Variants in RPF2 observed in about 807,000 individuals in gnomAD.
RPF2 encodes ribosome production factor 2 homolog.
A neutral mutation model predicts 38.9 loss-of-function variants in RPF2; 21 were observed. The observed-to-expected ratio is 0.54, with a 90% CI of 0.38 to 0.78. The LOEUF (loss-of-function observed/expected upper bound fraction) is 0.78, where lower values mean the gene tolerates loss of function less well. Among genes scored for constraint, RPF2 ranks in the 30% least tolerant of loss-of-function variants. The probability of loss-of-function intolerance (pLI) is 0.00; values close to 1 mark genes in which losing one functional copy is unlikely to be tolerated. For missense variants in RPF2, 314 were observed against 358.1 expected (o/e 0.88, Z 0.99); for synonymous variants, 121 against 126.2 (o/e 0.96, Z 0.28).
Position 111,025,677 on chromosome 6 carries a change from A to G in RPF2, c.*95A>G. On this transcript the variant is annotated 3_prime_UTR_variant, in exon 10 of 10. Transcript: ENST00000441448. ...AGAGTTTCTTATAAGATCTTATTAT[A>G]TATTTTTATAACATGATAATTTTAC... The G allele has an allele frequency of 1.2e-6, 1 of 847,350 alleles. No individual in the cohort carries two copies. The highest frequency in any genetic ancestry group is 1.8e-6 in the Non-Finnish European group (1 of 563,116). 52.5% of individuals were successfully genotyped at this position (847,350 alleles called of 1,614,324 possible).
rs1362946036 is a variant in RPF2, at chr6:110,986,559, A to G, written c.156+1421A>G. ...TCGGTTTGGGACATGTAATTTAAGTAATGAAAATAAAAGCTTTGTTTTTTC... is the reference window on the plus strand; with the variant it reads ...TCGGTTTGGGACATGTAATTTAAGTGATGAAAATAAAAGCTTTGTTTTTTC... On this transcript the variant is annotated intron_variant, in intron 2 of 9. Coordinates refer to ENST00000441448, the MANE Select transcript of RPF2 (RefSeq NM_032194.3). 3.3e-5 allele frequency among the ~76,000 whole-genome samples: 5 copies of G among 152,214 alleles called. 1 individual carries two copies. Among genetic ancestry groups the G allele is most frequent in the African/African-American group, 1.2e-4 (5 of 41,448 alleles).
At position 111,024,451 on chromosome 6, in the gene RPF2, C is replaced by T. The variant is rs542775600; in HGVS notation, c.741+124C>T. On this transcript the variant is annotated intron_variant, in intron 9 of 9. Transcript: ENST00000441448. Reference sequence around the variant, plus strand: ...AGGACAGGCCAGGCGCGGTGGCTCACGCCTGTAATCCCAGCACTTTGGGAG... The same window carrying T: ...AGGACAGGCCAGGCGCGGTGGCTCATGCCTGTAATCCCAGCACTTTGGGAG... 2.0e-3 allele frequency: 1,616 copies of T among 817,482 alleles called. 4 individuals carry two copies. The highest frequency in any genetic ancestry group is 4.5e-3 in the South Asian group (206 of 45,316). 50.6% of individuals were successfully genotyped at this position (817,482 alleles called of 1,614,324 possible).
intron 3 of RPF2, among the ~76,000 whole-genome samples, chr6:110,990,887 G>C (rs112110078): frequency 6.6e-6 from 1 of 152,046 alleles, no homozygotes. Flanking sequence ...ACTCTTTTAC[G>C]TTGGTTCCTA....
intron 7 of RPF2, among the ~76,000 whole-genome samples, chr6:111,014,325 G>A (rs539158440): frequency 1.3e-5 from 2 of 152,042 alleles, no homozygotes; most frequent in South Asian, 4.2e-4. Flanking sequence ...GTAGAGATAG[G>A]GTTTCACTGT....
intron 3 of RPF2, among the ~76,000 whole-genome samples, chr6:110,990,044 TTC>T (rs763848061): frequency 2.6e-5 from 4 of 152,088 alleles, no homozygotes; most frequent in Non-Finnish European, 4.4e-5. Context: ...GTTCAAGCAA[TTC>T]TCTTGCCTCA....
chr6:111,015,298 A>G (rs569087840), intron 7 of RPF2, among the ~76,000 whole-genome samples: 5 of 152,132 alleles, frequency 3.3e-5, no homozygotes, highest in Non-Finnish European at 7.4e-5. Context: ...TCCTTTGTTC[A>G]TATAATCAAG....
At chr6:110,985,221 A>T in intron 2 of RPF2, 83 bp downstream of exon 2, 1 of 1,208,516 alleles carries the variant, frequency 8.3e-7, no homozygotes, top group Non-Finnish European at 1.2e-6. Flanking sequence ...TCGGAGAAAT[A>T]CGTAGATAAG....
intron 5 of RPF2, among the ~76,000 whole-genome samples, chr6:110,998,978 CA>C (rs1771767261): frequency 6.6e-6 from 1 of 151,096 alleles, no homozygotes; most frequent in African/African-American, 2.4e-5. Flanking sequence ...TGTCGGTCAG[CA>C]AGTAAAGAAT....
chr6:111,023,020 T>G (rs1424652556), intron 8 of RPF2, among the ~76,000 whole-genome samples: 1 of 152,234 alleles, frequency 6.6e-6, no homozygotes, highest in Non-Finnish European at 1.5e-5. Context: ...TGCCTCAGCC[T>G]CCCGAGTAGC....
chr6:111,014,645 A>G (rs1254129003), intron 7 of RPF2, among the ~76,000 whole-genome samples: 1 of 152,202 alleles, frequency 6.6e-6, no homozygotes, highest in Non-Finnish European at 1.5e-5. Flanking sequence ...ATAAACTTTT[A>G]TATAGACCTT....
chr6:111,022,600 A>C (rs1011341945), intron 8 of RPF2, among the ~76,000 whole-genome samples: 1 of 147,276 alleles, frequency 6.8e-6, no homozygotes, highest in African/African-American at 2.6e-5. Context: ...ACCACTCAAA[A>C]AATTCATTAG....
At chr6:111,001,236 G>A (rs1389124511) in intron 6 of RPF2, among the ~76,000 whole-genome samples, 3 of 152,158 alleles carry the variant, frequency 2.0e-5, no homozygotes, top group Non-Finnish European at 4.4e-5. Flanking sequence ...GCAATCACAT[G>A]TAAAATAAGT....
chr6:111,004,758 A>G (rs528455618), intron 6 of RPF2, among the ~76,000 whole-genome samples: 11 of 151,796 alleles, frequency 7.2e-5, no homozygotes, highest in African/African-American at 2.4e-4. Context: ...TAGTAGAGAC[A>G]GGGTTTCACC....
chr6:111,025,341 A>G, intron 9 of RPF2, 62 bp from the exon 10 acceptor site: 1 of 1,165,526 alleles, frequency 8.6e-7, no homozygotes, highest in Non-Finnish European at 1.2e-6. Flanking sequence ...GTTACAGACT[A>G]GATTTTTACT....
intron 8 of RPF2, among the ~76,000 whole-genome samples, chr6:111,021,269 G>A (rs1054434955): frequency 5.3e-5 from 8 of 152,106 alleles, no homozygotes; most frequent in South Asian, 2.1e-4. Flanking sequence ...ACACTAGCAC[G>A]ACATCTTTCA....
intron 6 of RPF2, among the ~76,000 whole-genome samples, 157 bp from the exon 7 acceptor site, chr6:111,007,881 A>G (rs571095925): frequency 1.2e-3 from 186 of 152,300 alleles, no homozygotes; most frequent in African/African-American, 4.3e-3. Flanking sequence ...CGGGAGGTGG[A>G]GGTTGCAGTG....
chr6:110,984,154 G>T (rs1371710209), intron 1 of RPF2, among the ~76,000 whole-genome samples: 1 of 152,134 alleles, frequency 6.6e-6, no homozygotes, highest in African/African-American at 2.4e-5. Context: ...AATAATACTG[G>T]CATTCTCAGC....
At chr6:110,992,532 T>C (rs1213158997) in intron 4 of RPF2, among the ~76,000 whole-genome samples, 1 of 151,580 alleles carries the variant, frequency 6.6e-6, no homozygotes, top group Admixed American at 6.6e-5. Context: ...CCTGCCTCAG[T>C]CTCCCAAGTA....
In RPF2 at chr6:111,025,708, A is replaced by G. The variant is rs1459477361; in HGVS notation, c.*126A>G. On this transcript the variant is annotated 3_prime_UTR_variant, in exon 10 of 10. Coordinates refer to ENST00000441448, the MANE Select transcript of RPF2 (RefSeq NM_032194.3). ...TTATAACATGATAATTTTACGATAT[A>G]TTATTATGAACAGTAATATACTAGT... 1.4e-6 allele frequency: 1 copy of G among 711,700 alleles called. No individual in the cohort carries two copies. The highest frequency in any genetic ancestry group is 2.8e-5 in the East Asian group (1 of 35,412). 44.1% of individuals were successfully genotyped at this position (711,700 alleles called of 1,614,324 possible).
Sources: gnomAD v4.1 joint callset for allele counts (sites outside exome capture counted in the v4.1 genomes callset) on GRCh38, gnomAD v4.1.1 for gene constraint, MANE v1.5 for transcripts, NCBI Gene and HGNC (gene_info 2026-07-23, HGNC 2026-07-21) for gene names.